The following PRKN variants were observed in gnomAD, a reference collection of about 807,000 sequenced individuals.
PRKN encodes the protein E3 ubiquitin-protein ligase parkin.
Under a neutral mutation model 59.5 loss-of-function variants are expected in PRKN, and 56 were observed. The observed-to-expected ratio is 0.94, with a 90% CI of 0.76 to 1.18. The LOEUF (loss-of-function observed/expected upper bound fraction) is 1.18, where lower values mean the gene tolerates loss of function less well. Ranked by LOEUF, PRKN falls within the 50% of genes most tolerant of loss-of-function variation. The pLI is 0.00. For missense variants in PRKN, 657 were observed against 596.4 expected (o/e 1.10, Z -1.06); for synonymous variants, 250 against 222.1 (o/e 1.13, Z -1.12).
intron 3 of PRKN, among the ~76,000 whole-genome samples, chr6:162,223,663 A>C (rs1230652923): frequency 4.2e-5 from 6 of 142,194 alleles, no homozygotes; most frequent in African/African-American, 1.6e-4. Context: ...ACACACACAA[A>C]CATAATGCTC....
intron 6 of PRKN, among the ~76,000 whole-genome samples, chr6:161,856,714 A>C (rs1246227924): frequency 6.6e-6 from 1 of 152,066 alleles, no homozygotes; most frequent in Admixed American, 6.6e-5. Flanking sequence ...TGAAGCTCTT[A>C]AGTATTTTGT....
At chr6:161,422,398 C>T (rs1788145162) in intron 9 of PRKN, among the ~76,000 whole-genome samples, 1 of 151,968 alleles carries the variant, frequency 6.6e-6, no homozygotes, top group South Asian at 2.1e-4. Flanking sequence ...GGGGTTTCAC[C>T]ATGTTAGTCA....
At chr6:162,462,152 T>C (rs981840721) in intron 1 of PRKN, among the ~76,000 whole-genome samples, 2 of 152,196 alleles carry the variant, frequency 1.3e-5, no homozygotes, top group African/African-American at 4.8e-5. Flanking sequence ...AATTTTCTAT[T>C]TTACAAAAGG....
chr6:162,692,813 C>T (rs367699594), intron 1 of PRKN, among the ~76,000 whole-genome samples: 86 of 152,246 alleles, frequency 5.6e-4, no homozygotes, highest in African/African-American at 1.9e-3. Context: ...TGTATAATAG[C>T]TTTTTATAAT....
intron 2 of PRKN, among the ~76,000 whole-genome samples, chr6:162,355,280 G>A (rs2128132206): frequency 6.6e-6 from 1 of 151,204 alleles, no homozygotes; most frequent in Middle Eastern, 3.4e-3. Flanking sequence ...ACATAATTAT[G>A]TTCTAGGCTA....
At chr6:162,205,747 G>GACAC (rs1339441681) in intron 3 of PRKN, among the ~76,000 whole-genome samples, 7 of 132,208 alleles carry the variant, frequency 5.3e-5, no homozygotes, top group African/African-American at 1.8e-4. Flanking sequence ...TACACACACA[G>GACAC]ACACACACAC....
At chr6:162,606,201 T>C (rs1446505097) in intron 1 of PRKN, among the ~76,000 whole-genome samples, 1 of 152,190 alleles carries the variant, frequency 6.6e-6, no homozygotes, top group African/African-American at 2.4e-5. Flanking sequence ...TAACCTATGA[T>C]AGGGTTACAT....
chr6:162,078,116 G>T (rs1482011738), intron 4 of PRKN, among the ~76,000 whole-genome samples: 1 of 151,402 alleles, frequency 6.6e-6, no homozygotes, highest in African/African-American at 2.4e-5. Context: ...TAAACCTTTG[G>T]GTCTTTTATG....
intron 5 of PRKN, among the ~76,000 whole-genome samples, chr6:162,008,346 G>A (rs547064359): frequency 2.6e-5 from 4 of 152,214 alleles, no homozygotes; most frequent in South Asian, 4.2e-4. Flanking sequence ...GCCCCAGGAC[G>A]CTACCCTACA....
At chr6:161,759,613 T>C (rs564919194) in intron 7 of PRKN, among the ~76,000 whole-genome samples, 16 of 152,360 alleles carry the variant, frequency 1.1e-4, no homozygotes, top group African/African-American at 3.8e-4. Context: ...TTATTCTATA[T>C]ACTGTCAATG....
rs1790571809 is a variant in PRKN, at chr6:162,450,470, C to T, written c.8-6997G>A. Among the ~76,000 whole-genome samples, 3 of 152,056 alleles carry T rather than the reference C, an allele frequency of 2.0e-5. 1 individual carries two copies. Among genetic ancestry groups the T allele is most frequent in the South Asian group, 4.1e-4 (2 of 4,826 alleles). ...TACAGCATGGAAAGGGGAACAAAAA[C>T]AACCTCACAGTGGAGAAACCTGACA... On this transcript the variant is annotated intron_variant, in intron 1 of 11. Transcript: ENST00000366898.
intron 6 of PRKN, among the ~76,000 whole-genome samples, chr6:161,866,137 C>T (rs1365077218): frequency 1.3e-5 from 2 of 152,160 alleles, no homozygotes; most frequent in Non-Finnish European, 2.9e-5. Context: ...AGTTGGAACA[C>T]ACACATTTAT....
rs1223332900 is a variant in PRKN at position 161,467,062 on chromosome 6, T to C, written c.1084-80185A>G. Among the ~76,000 whole-genome samples, 1 of 152,244 alleles carries C rather than the reference T, an allele frequency of 6.6e-6. No individual in the cohort carries two copies. Among genetic ancestry groups the C allele is most frequent in the East Asian group, 1.9e-4 (1 of 5,196 alleles). ...CCCAGAAACCAGGATTGTTTGCCAC[T>C]GATTTCATTTTCTTCTCACTGTTGC... On this transcript the variant is annotated intron_variant, in intron 9 of 11. Transcript: ENST00000366898. This position sits in a 1 kb window ranked among gnomAD's most constrained non-coding sequence, Gnocchi z 4.3.
chr6:161,602,792 C>G (rs1396147278), intron 7 of PRKN, among the ~76,000 whole-genome samples: 2 of 152,186 alleles, frequency 1.3e-5, no homozygotes, highest in African/African-American at 4.8e-5. Context: ...ACTAATGCAG[C>G]TCAGCAAATG....
At chr6:162,504,603 CAA>C (rs760465692) in intron 1 of PRKN, among the ~76,000 whole-genome samples, 8 of 151,924 alleles carry the variant, frequency 5.3e-5, no homozygotes, top group Non-Finnish European at 1.2e-4. Flanking sequence ...ATGTGAAAAG[CAA>C]AGTGTTAACA....
chr6:162,669,237 A>T (rs1779226846), intron 1 of PRKN, among the ~76,000 whole-genome samples: 1 of 150,936 alleles, frequency 6.6e-6, no homozygotes, highest in African/African-American at 2.4e-5. Flanking sequence ...TTTTTTTTTT[A>T]AAGGAAACAT....
intron 6 of PRKN, among the ~76,000 whole-genome samples, chr6:161,902,579 C>T (rs1386942434): frequency 3.8e-4 from 13 of 34,420 alleles, no homozygotes; most frequent in Non-Finnish European, 5.6e-4. Flanking sequence ...TTTTTTTTTG[C>T]GACAGAGTCT....
intron 5 of PRKN, among the ~76,000 whole-genome samples, chr6:162,038,196 C>T (rs2128281121): frequency 6.6e-6 from 1 of 151,996 alleles, no homozygotes; most frequent in East Asian, 1.9e-4. Flanking sequence ...AAGAAAATTA[C>T]AAATGTTACA....
At chr6:162,127,443 A>C (rs539403733) in intron 4 of PRKN, among the ~76,000 whole-genome samples, 2 of 152,356 alleles carry the variant, frequency 1.3e-5, no homozygotes, top group Admixed American at 1.3e-4. Context: ...TTCAAAAATC[A>C]GTAGGCATAC....
Sources: gnomAD v4.1 joint callset for allele counts (sites outside exome capture counted in the v4.1 genomes callset) on GRCh38, gnomAD v4.1.1 for gene constraint, Gnocchi (gnomAD v3.1) non-coding constraint, MANE v1.5 for transcripts, NCBI Gene and HGNC (gene_info 2026-07-23, HGNC 2026-07-21) for gene names.